The following CCDC6 variants were observed in gnomAD, a reference collection of about 807,000 sequenced individuals.
CCDC6 encodes coiled-coil domain containing 6.
In CCDC6, 20 loss-of-function variants were observed where a neutral mutation model predicts 56.6. That is an observed-to-expected ratio of 0.35 (90% CI 0.25 to 0.51). CCDC6 has a LOEUF of 0.51. CCDC6 is among the 20% of genes least tolerant of loss of function. The probability of loss-of-function intolerance (pLI) is 0.95; values close to 1 mark genes in which losing one functional copy is unlikely to be tolerated. For synonymous variants in CCDC6, 241 were observed against 234.4 expected, an observed-to-expected ratio of 1.03 and a Z score of -0.26; for missense variants, 367 against 601.1, an observed-to-expected ratio of 0.61 and a Z score of 4.07.
chr10:59,822,022 T>C (rs997337228), intron 3 of CCDC6, among the ~76,000 whole-genome samples: 2 of 152,232 alleles, frequency 1.3e-5, no homozygotes, highest in African/African-American at 2.4e-5. Context: ...TATGGTATTA[T>C]CTGGCATATT....
At chr10:59,859,999 T>A (rs1193036711) in intron 1 of CCDC6, among the ~76,000 whole-genome samples, 1 of 152,200 alleles carries the variant, frequency 6.6e-6, no homozygotes, top group African/African-American at 2.4e-5. Context: ...TAAGAATTGC[T>A]TGAACCTGGG....
intron 1 of CCDC6, among the ~76,000 whole-genome samples, chr10:59,852,912 G>A (rs1396216181): frequency 6.6e-6 from 1 of 152,200 alleles, no homozygotes; most frequent in East Asian, 1.9e-4. Context: ...ATGCCAAAGA[G>A]CCCCCCTTTA....
chr10:59,832,079 G>T (rs7092259), intron 3 of CCDC6, among the ~76,000 whole-genome samples: 26,537 of 152,154 alleles, frequency 0.17, 3,128 homozygotes, highest in African/African-American at 0.33. Context: ...AACAAGTCTG[G>T]ACTGGGAGAA....
chr10:59,878,134 T>C (rs1171972993), intron 1 of CCDC6, among the ~76,000 whole-genome samples: 1 of 152,190 alleles, frequency 6.6e-6, no homozygotes, highest in Admixed American at 6.5e-5. Context: ...AAGAAGTTAC[T>C]AAAGTTCAAT....
At chr10:59,816,206 A>C (rs1336430509) in intron 3 of CCDC6, among the ~76,000 whole-genome samples, 1 of 152,178 alleles carries the variant, frequency 6.6e-6, no homozygotes, top group Non-Finnish European at 1.5e-5. Flanking sequence ...CAGAACCTGA[A>C]CAATCAAGAC....
At chr10:59,880,517 G>A (rs954716434) in intron 1 of CCDC6, among the ~76,000 whole-genome samples, 13 of 152,172 alleles carry the variant, frequency 8.5e-5, no homozygotes, top group South Asian at 4.1e-4. Flanking sequence ...GATAATGGCC[G>A]GAAGGGGGCA....
intron 7 of CCDC6, among the ~76,000 whole-genome samples, chr10:59,801,241 A>C (rs1344257578): frequency 6.6e-6 from 1 of 152,194 alleles, no homozygotes; most frequent in Non-Finnish European, 1.5e-5. Flanking sequence ...TTTCCTTCCT[A>C]TTTGACACAC....
intron 1 of CCDC6, among the ~76,000 whole-genome samples, chr10:59,885,910 A>ACCCCCCCCCC (rs1431441962): frequency 2.0e-5 from 1 of 49,018 alleles, no homozygotes; most frequent in Non-Finnish European, 4.0e-5. Flanking sequence ...TCTATTTCCA[A>ACCCCCCCCCC]CCCCGCCCCC....
At position 59,814,634 on chromosome 10, in the gene CCDC6, C is replaced by A. The variant is rs927180640; in HGVS notation, c.686+18G>T. On this transcript the variant is annotated intron_variant, in intron 4 of 8. Transcript: ENST00000263102. ...CACACACACACACACCCATACTGAA[C>A]AGCAAGACTAAACAAACCGCTTTTC... 4.6e-6 allele frequency: 7 copies of A among 1,509,098 alleles called. No homozygotes were observed. Among genetic ancestry groups the A allele is most frequent in the South Asian group, 1.1e-5 (1 of 88,868 alleles). 93.5% of individuals were successfully genotyped at this position (1,509,098 alleles called of 1,614,324 possible). A position where few individuals can be genotyped will look rare whatever the true frequency, so the allele number is the denominator to read the frequency against.
chr10:59,847,689 T>C (rs748254689), intron 2 of CCDC6, among the ~76,000 whole-genome samples: 1 of 152,184 alleles, frequency 6.6e-6, no homozygotes, highest in Non-Finnish European at 1.5e-5. Context: ...AGATGTTTTC[T>C]AGTTACAAAA....
intron 1 of CCDC6, among the ~76,000 whole-genome samples, chr10:59,860,695 C>A (rs1317941982): frequency 6.6e-6 from 1 of 152,106 alleles, no homozygotes; most frequent in African/African-American, 2.4e-5. Context: ...AATTACTGAT[C>A]AAATTAACTC....
intron 2 of CCDC6, 134 bp from the exon 3 acceptor site, chr10:59,832,787 G>A: frequency 1.2e-6 from 1 of 837,860 alleles, no homozygotes; most frequent in South Asian, 1.8e-5. Context: ...AAATGTGCAA[G>A]TATATACCTA....
chr10:59,813,611 G>GC (rs922560622), intron 4 of CCDC6, among the ~76,000 whole-genome samples: 20 of 152,100 alleles, frequency 1.3e-4, no homozygotes, highest in African/African-American at 4.6e-4. Flanking sequence ...GTACCTTTGA[G>GC]TTTGTCCAGG....
rs1332984735 is a variant in CCDC6, at chr10:59,851,032, T to C, written c.453+1521A>G. On this transcript the variant is annotated intron_variant, in intron 2 of 8. Coordinates refer to ENST00000263102, the MANE Select transcript of CCDC6 (RefSeq NM_005436.5). Reference sequence around the variant, plus strand: ...CAATTACAGACTATACAATCACTCATACTGGAGATACATAGAGAAAAGGAA... The same window carrying C: ...CAATTACAGACTATACAATCACTCACACTGGAGATACATAGAGAAAAGGAA... Among the ~76,000 whole-genome samples the C allele has an allele frequency of 4.1e-5, 6 of 145,920 alleles. No individual in the cohort carries two copies. The Admixed American group carries it at 4.3e-4, about 11-fold the overall frequency.
At chr10:59,859,232 G>GTGTGTGTA (rs1554885879) in intron 1 of CCDC6, among the ~76,000 whole-genome samples, 16 of 150,806 alleles carry the variant, frequency 1.1e-4, no homozygotes, top group Non-Finnish European at 1.8e-4. Flanking sequence ...GTGTGTGTGT[G>GTGTGTGTA]TGTGTATGAA....
At chr10:59,871,475 A>C (rs2071229689) in intron 1 of CCDC6, among the ~76,000 whole-genome samples, 3 of 149,470 alleles carry the variant, frequency 2.0e-5, no homozygotes, top group Non-Finnish European at 4.5e-5. Flanking sequence ...CATTAAAAAA[A>C]AAAAAAAAAA....
intron 1 of CCDC6, among the ~76,000 whole-genome samples, chr10:59,874,462 C>T (rs762717189): frequency 1.3e-5 from 2 of 152,070 alleles, no homozygotes; most frequent in Non-Finnish European, 2.9e-5. Context: ...ACAGAAATGC[C>T]ATCCATACCA....
At chr10:59,857,506 C>T (rs1401395265) in intron 1 of CCDC6, among the ~76,000 whole-genome samples, 3 of 152,048 alleles carry the variant, frequency 2.0e-5, no homozygotes, top group African/African-American at 7.2e-5. Flanking sequence ...AGAGAAAATC[C>T]AAGTGCCAAA....
At chr10:59,886,842 G>A (rs924069371) in intron 1 of CCDC6, among the ~76,000 whole-genome samples, 1 of 152,084 alleles carries the variant, frequency 6.6e-6, no homozygotes, top group African/African-American at 2.4e-5. Context: ...AACTAGGCAG[G>A]TACAGAAAAA....
Sources: allele counts gnomAD v4.1 joint callset (sites outside exome capture counted in the v4.1 genomes callset), GRCh38; gene constraint gnomAD v4.1.1; transcripts MANE v1.5; gene names NCBI Gene and HGNC (gene_info 2026-07-23, HGNC 2026-07-21).